The following CNTNAP5 variants were observed in gnomAD, a reference collection of about 807,000 sequenced individuals.
The protein encoded by CNTNAP5 is contactin-associated protein-like 5.
A neutral mutation model predicts 150.2 loss-of-function variants in CNTNAP5; 72 were observed. The ratio of observed to expected loss-of-function variants is 0.48; its 90% confidence interval spans 0.40 to 0.58. CNTNAP5 has a LOEUF of 0.58. Among genes scored for constraint, CNTNAP5 ranks in the 20% least tolerant of loss-of-function variants. The pLI is 0.00. For synonymous variants in CNTNAP5, 672 were observed against 619.8 expected (o/e 1.08, Z -1.25); for missense variants, 1,636 against 1,626.2 (o/e 1.01, Z -0.10).
In CNTNAP5 at chr2:124,752,350, C is replaced by T. The variant is rs571753288; in HGVS notation, c.2234+4965C>T. On this transcript the variant is annotated intron_variant, in intron 14 of 23. Transcript: ENST00000682447. ...GACTATAGGTGCATTCAACCATGGC[C>T]GTCTTGTTCTATTTTAATAAGCCAC... Among the ~76,000 whole-genome samples, 161 of 152,100 alleles carry T rather than the reference C, an allele frequency of 1.1e-3. 2 individuals carry two copies. The highest frequency in any genetic ancestry group is 3.7e-3 in the African/African-American group (154 of 41,500).
At chr2:124,187,660 G>T (rs1321399959) in intron 1 of CNTNAP5, among the ~76,000 whole-genome samples, 1 of 152,156 alleles carries the variant, frequency 6.6e-6, no homozygotes, top group African/African-American at 2.4e-5. Flanking sequence ...CTGGTATAAA[G>T]TCTGAGGTTC....
At chr2:124,420,625 A>T (rs1363339497) in intron 4 of CNTNAP5, among the ~76,000 whole-genome samples, 2 of 147,972 alleles carry the variant, frequency 1.4e-5, no homozygotes, top group Non-Finnish European at 3.1e-5. Context: ...AGTAAAGGAG[A>T]TTATCCTAAG....
intron 11 of CNTNAP5, among the ~76,000 whole-genome samples, chr2:124,604,907 A>G (rs190182218): frequency 5.3e-5 from 8 of 152,336 alleles, no homozygotes; most frequent in Admixed American, 3.9e-4. Flanking sequence ...TGACCTGTTC[A>G]ATGAAGTCAA....
intron 9 of CNTNAP5, 34 bp downstream of exon 9, chr2:124,524,486 GA>G (rs1694920773): frequency 6.4e-7 from 1 of 1,569,176 alleles, no homozygotes; most frequent in Non-Finnish European, 8.7e-7. Flanking sequence ...GGAAAATTAA[GA>G]AGGGAGGGAA....
intron 4 of CNTNAP5, among the ~76,000 whole-genome samples, chr2:124,430,247 G>A (rs1692343892): frequency 1.3e-5 from 2 of 152,118 alleles, no homozygotes; most frequent in African/African-American, 4.8e-5. Context: ...GGTCAGACAG[G>A]GTAGGTTTGA....
chr2:124,229,336 G>A (rs751434525), intron 2 of CNTNAP5, among the ~76,000 whole-genome samples: 14 of 152,062 alleles, frequency 9.2e-5, no homozygotes, highest in Non-Finnish European at 1.8e-4. Context: ...GCCCATCAAG[G>A]TCTGGGCAAT....
At chr2:124,232,861 GTA>G (rs1686658074) in intron 2 of CNTNAP5, among the ~76,000 whole-genome samples, 1 of 152,064 alleles carries the variant, frequency 6.6e-6, no homozygotes, top group African/African-American at 2.4e-5. Context: ...GCTTCTGTGT[GTA>G]AATAACAGAA....
intron 3 of CNTNAP5, among the ~76,000 whole-genome samples, chr2:124,295,222 T>TC (rs1688392967): frequency 6.6e-6 from 1 of 151,922 alleles, no homozygotes; most frequent in Admixed American, 6.6e-5. Flanking sequence ...TTTTTTTCTT[T>TC]TTTTGCATAA....
chr2:124,353,286 CAAAAAAAAAAAAA>C (rs565907115), intron 3 of CNTNAP5, among the ~76,000 whole-genome samples: 4 of 88,262 alleles, frequency 4.5e-5, no homozygotes, highest in Non-Finnish European at 8.6e-5. Context: ...AAAAACAGAC[CAAAAAAAAAAAAA>C]AAAAAAAAAA....
chr2:124,276,143 A>T (rs905780610), intron 3 of CNTNAP5, among the ~76,000 whole-genome samples: 2 of 152,226 alleles, frequency 1.3e-5, no homozygotes, highest in Non-Finnish European at 2.9e-5. Context: ...CACAAAAGCC[A>T]AAAGTATATG....
At chr2:124,528,508 TGGCATTTGAA>T (rs1342347763) in intron 10 of CNTNAP5, among the ~76,000 whole-genome samples, 2 of 152,240 alleles carry the variant, frequency 1.3e-5, no homozygotes, top group East Asian at 3.8e-4. Flanking sequence ...AATACTTTTT[TGGCATTTGAA>T]GGCATTTGAA....
chr2:124,507,548 A>C (rs150061853), intron 8 of CNTNAP5, among the ~76,000 whole-genome samples: 19 of 152,318 alleles, frequency 1.2e-4, no homozygotes, highest in Middle Eastern at 3.4e-3. Flanking sequence ...AGAGAAAAGG[A>C]GGTTCTGTTT....
intron 3 of CNTNAP5, among the ~76,000 whole-genome samples, chr2:124,249,961 T>G (rs1573866580): frequency 8.4e-6 from 1 of 118,712 alleles, no homozygotes; most frequent in East Asian, 2.6e-4. Flanking sequence ...ATGAATTCTT[T>G]TGTGTGTGTG....
chr2:124,752,443 C>T (rs1680747583), intron 14 of CNTNAP5, among the ~76,000 whole-genome samples: 2 of 151,966 alleles, frequency 1.3e-5, no homozygotes, highest in African/African-American at 4.8e-5. Context: ...TGTTGTAGGG[C>T]TGAGTGAAAG....
intron 7 of CNTNAP5, among the ~76,000 whole-genome samples, chr2:124,488,888 G>T (rs1693953391): frequency 1.3e-5 from 2 of 152,120 alleles, no homozygotes; most frequent in South Asian, 4.1e-4. Flanking sequence ...TAGCTGCCTG[G>T]AGATAGAGTG....
intron 19 of CNTNAP5, among the ~76,000 whole-genome samples, chr2:124,810,687 C>T (rs1682196256): frequency 6.6e-6 from 1 of 152,036 alleles, no homozygotes; most frequent in African/African-American, 2.4e-5. Context: ...GAGAACCCAC[C>T]ACAGAACAGG....
At chr2:124,036,481 G>A (rs1681223490) in intron 1 of CNTNAP5, among the ~76,000 whole-genome samples, 2 of 152,052 alleles carry the variant, frequency 1.3e-5, no homozygotes, top group African/African-American at 2.4e-5. Flanking sequence ...TTGAGTGAAT[G>A]TGCTCTGTCA....
intron 1 of CNTNAP5, among the ~76,000 whole-genome samples, chr2:124,164,970 A>G (rs886206051): frequency 6.6e-6 from 1 of 152,116 alleles, no homozygotes; most frequent in Non-Finnish European, 1.5e-5. Flanking sequence ...ATTGTGGTGG[A>G]GCAGGTAGAA....
intron 3 of CNTNAP5, among the ~76,000 whole-genome samples, chr2:124,399,291 G>A (rs1048632456): frequency 6.6e-6 from 1 of 152,142 alleles, no homozygotes; most frequent in Admixed American, 6.6e-5. Context: ...TTTTGCCAAA[G>A]GCTGTCAGTG....
Sources: gnomAD v4.1 joint callset for allele counts (sites outside exome capture counted in the v4.1 genomes callset) on GRCh38, gnomAD v4.1.1 for gene constraint, MANE v1.5 for transcripts, NCBI Gene and HGNC (gene_info 2026-07-23, HGNC 2026-07-21) for gene names.